The following RNF144B variants were observed in gnomAD, a reference collection of about 807,000 sequenced individuals.
The protein encoded by RNF144B is ring finger protein 144B.
In RNF144B, 25 loss-of-function variants were observed where a neutral mutation model predicts 40.2. The observed-to-expected ratio is 0.62, with a 90% CI of 0.45 to 0.87. RNF144B has a LOEUF of 0.87. RNF144B is among the 40% of genes least tolerant of loss of function. The pLI is 0.00. For synonymous variants in RNF144B, 145 were observed against 136.3 expected (o/e 1.06, Z -0.44); for missense variants, 365 against 373.7 (o/e 0.98, Z 0.19).
chr6:18,418,122 C>T lies in RNF144B; in HGVS notation c.166-9459C>T, dbSNP rs746313852. ...GAGAATTTAAAGAAGTTGAAACTCT[C>T]ATACACTGCTGGTGGGAATGGAAAA... On this transcript the variant is annotated intron_variant, in intron 2 of 7. Coordinates refer to ENST00000259939, the MANE Select transcript of RNF144B (RefSeq NM_182757.4). This position sits in a 1 kb window ranked among gnomAD's most constrained non-coding sequence, Gnocchi z 5.2. Among the ~76,000 whole-genome samples the T allele has an allele frequency of 3.3e-5, 5 of 152,162 alleles. No individual in the cohort carries two copies. Among genetic ancestry groups the T allele is most frequent in the Non-Finnish European group, 5.9e-5 (4 of 68,022 alleles).
At chr6:18,392,413 T>C (rs776701197) in intron 1 of RNF144B, among the ~76,000 whole-genome samples, 19 of 152,200 alleles carry the variant, frequency 1.2e-4, no homozygotes, top group Non-Finnish European at 2.4e-4. Flanking sequence ...TGGAAAACAG[T>C]TCTTGCTAAT....
chr6:18,392,195 G>A (rs531671283), intron 1 of RNF144B, among the ~76,000 whole-genome samples: 8 of 152,066 alleles, frequency 5.3e-5, no homozygotes, highest in African/African-American at 1.7e-4. Context: ...GCGACAGAGC[G>A]AGACTCCGTC....
At position 18,461,236 on chromosome 6, in the gene RNF144B, C is replaced by T. The variant is rs191536409; in HGVS notation, c.681+1485C>T. ...ATGGACATTTTAGACTCTAGAAGTT[C>T]AGCAGCTCAGTTTGGAAGAAATATC... On this transcript the variant is annotated intron_variant, in intron 6 of 7. Transcript: ENST00000259939. Among the ~76,000 whole-genome samples the T allele has an allele frequency of 7.0e-4, 106 of 152,272 alleles. 1 individual carries two copies. The highest frequency in any genetic ancestry group is 3.4e-3 in the Middle Eastern group (1 of 294).
In RNF144B at chr6:18,410,834, C is replaced by G. The variant is rs143164688; in HGVS notation, c.165+11135C>G. On this transcript the variant is annotated intron_variant, in intron 2 of 7. Transcript: ENST00000259939. The surrounding 1 kb of genome is among the most constrained non-coding windows in gnomAD (Gnocchi z 4.6). ...AACCATGGCAGGCTGAAGCAGAGCT[C>G]GGAGAACAATGTCCTTATCAACTTA... Among the ~76,000 whole-genome samples the G allele has an allele frequency of 5.3e-5, 8 of 152,206 alleles. No individual in the cohort carries two copies. Among genetic ancestry groups the G allele is most frequent in the Non-Finnish European group, 1.0e-4 (7 of 68,014 alleles).
At chr6:18,423,229 T>C (rs955309495) in intron 2 of RNF144B, among the ~76,000 whole-genome samples, 1 of 152,184 alleles carries the variant, frequency 6.6e-6, no homozygotes, top group Non-Finnish European at 1.5e-5. Context: ...ATTTTATAAA[T>C]GAGAGCACTG....
At chr6:18,394,930 A>G (rs1582396740) in intron 1 of RNF144B, among the ~76,000 whole-genome samples, 1 of 152,222 alleles carries the variant, frequency 6.6e-6, no homozygotes, top group Admixed American at 6.5e-5. Context: ...CCTTCCTTAC[A>G]TGGCCCAACC....
intron 1 of RNF144B, among the ~76,000 whole-genome samples, chr6:18,390,360 A>T (rs533818668): frequency 6.6e-6 from 1 of 152,292 alleles, no homozygotes; most frequent in East Asian, 1.9e-4. Flanking sequence ...CCAGTCGGTG[A>T]GTACTTTGGA....
intron 2 of RNF144B, among the ~76,000 whole-genome samples, chr6:18,404,361 T>C (rs1794852111): frequency 6.6e-6 from 1 of 152,194 alleles, no homozygotes; most frequent in South Asian, 2.1e-4. Flanking sequence ...TGGTGTATGA[T>C]TTGGGGCAAG....
In RNF144B at chr6:18,457,623, G is replaced by T. The variant is rs1167612260; in HGVS notation, c.536+264G>T. 1.3e-5 allele frequency among the ~76,000 whole-genome samples: 2 copies of T among 152,138 alleles called. No individual in the cohort carries two copies. The highest frequency in any genetic ancestry group is 4.8e-5 in the African/African-American group (2 of 41,416). Reference sequence around the variant, plus strand: ...TCTCTTTAGGTAGTGAGGCACCGTGGTCTACTGGTTCTCAGTAGGAAATCA... The same window carrying T: ...TCTCTTTAGGTAGTGAGGCACCGTGTTCTACTGGTTCTCAGTAGGAAATCA... On this transcript the variant is annotated intron_variant, in intron 5 of 7. Transcript: ENST00000259939. This position sits in a 1 kb window ranked among gnomAD's most constrained non-coding sequence, Gnocchi z 5.1.
In RNF144B at chr6:18,463,317, CA is replaced by C; in HGVS notation, c.711del (p.Pro239HisfsTer13). On this transcript the variant is annotated frameshift_variant, in exon 7 of 8. Transcript: ENST00000259939. LOFTEE classifies it high-confidence loss of function. ...ATGACATTTTCCTCAGACATTATGACAAAGGGCCATGCAGGAATAAACTTGG... is the reference window on the plus strand; with the variant it reads ...ATGACATTTTCCTCAGACATTATGACAAGGGCCATGCAGGAATAAACTTGG... The part of the protein sequence containing the change: ...DNDIFLRHYD[K>X]GPCRNKLGHS... 6.2e-7 allele frequency: 1 copy of C among 1,608,198 alleles called. No homozygotes were observed. Among genetic ancestry groups the C allele is most frequent in the Non-Finnish European group, 8.5e-7 (1 of 1,174,638 alleles).
chr6:18,433,701 A>G (rs1758747892), intron 3 of RNF144B, among the ~76,000 whole-genome samples: 1 of 152,102 alleles, frequency 6.6e-6, no homozygotes, highest in African/African-American at 2.4e-5. Context: ...CTGGAATTCC[A>G]TTTCTTGCCT....
At position 18,400,600 on chromosome 6, in the gene RNF144B, G is replaced by A. The variant is rs555245771; in HGVS notation, c.165+901G>A. ...TGCCACTTTTCCTTGAAGGTTGGTC[G>A]GTTAAGGTATAAAGGTAGGAAATAG... On this transcript the variant is annotated intron_variant, in intron 2 of 7. Transcript: ENST00000259939. The surrounding 1 kb of genome is among the most constrained non-coding windows in gnomAD (Gnocchi z 5.6). 1.4e-4 allele frequency among the ~76,000 whole-genome samples: 22 copies of A among 152,210 alleles called. No homozygotes were observed. The highest frequency in any genetic ancestry group is 5.3e-4 in the African/African-American group (22 of 41,530).
intron 2 of RNF144B, among the ~76,000 whole-genome samples, chr6:18,409,052 T>C (rs1479579079): frequency 6.6e-6 from 1 of 151,640 alleles, no homozygotes; most frequent in African/African-American, 2.4e-5. Flanking sequence ...TCCTTAAGTG[T>C]GTTATATTCC....
intron 4 of RNF144B, among the ~76,000 whole-genome samples, chr6:18,445,356 T>C (rs1016680103): frequency 6.6e-6 from 1 of 152,150 alleles, no homozygotes; most frequent in Non-Finnish European, 1.5e-5. Flanking sequence ...CTGAAGGCAA[T>C]CATTAAGGTC....
In RNF144B at chr6:18,464,664, A is replaced by G. The variant is rs1236466037; in HGVS notation, c.772-263A>G. Among the ~76,000 whole-genome samples the G allele has an allele frequency of 6.6e-6, 1 of 152,188 alleles. No homozygotes were observed. The highest frequency in any genetic ancestry group is 2.4e-5 in the African/African-American group (1 of 41,454). ...TTTTTGCTGTGTCTTCACATGGCAT[A>G]GAGCCTAGAGAAAGAAAGCAAGCTC... On this transcript the variant is annotated intron_variant, in intron 7 of 7. Coordinates refer to ENST00000259939, the MANE Select transcript of RNF144B (RefSeq NM_182757.4). The surrounding 1 kb of genome is among the most constrained non-coding windows in gnomAD (Gnocchi z 6.1).
chr6:18,396,672 T>G (rs1449903532), intron 1 of RNF144B: 10 of 985,236 alleles, frequency 1.0e-5, no homozygotes, highest in Non-Finnish European at 1.2e-5. Flanking sequence ...TAATTCAGAA[T>G]AGATTGCATA....
chr6:18,461,406 T>A (rs1759452146), intron 6 of RNF144B, among the ~76,000 whole-genome samples: 1 of 151,658 alleles, frequency 6.6e-6, no homozygotes, highest in African/African-American at 2.4e-5. Flanking sequence ...TGAAAAACAA[T>A]TTTTTTTTGT....
At chr6:18,445,841 G>C (rs1259810879) in intron 4 of RNF144B, among the ~76,000 whole-genome samples, 1 of 152,172 alleles carries the variant, frequency 6.6e-6, no homozygotes, top group African/African-American at 2.4e-5. Context: ...AGGGCAACCG[G>C]ACCTTAAACT....
chr6:18,457,809 C>T lies in RNF144B; in HGVS notation c.536+450C>T, dbSNP rs1451137920. ...AGAAAGAACACAACAATAGAAACAA[C>T]GGTCCTAAATTCTTTCAGCACGTAG... On this transcript the variant is annotated intron_variant, in intron 5 of 7. Transcript: ENST00000259939. This position sits in a 1 kb window ranked among gnomAD's most constrained non-coding sequence, Gnocchi z 5.1. Among the ~76,000 whole-genome samples, 2 of 152,268 alleles carry T rather than the reference C, an allele frequency of 1.3e-5. No homozygotes were observed. Among genetic ancestry groups the T allele is most frequent in the South Asian group, 2.1e-4 (1 of 4,826 alleles).
Sources: allele counts gnomAD v4.1 joint callset (sites outside exome capture counted in the v4.1 genomes callset), GRCh38; gene constraint gnomAD v4.1.1; non-coding constraint Gnocchi (gnomAD v3.1); transcripts MANE v1.5; gene names NCBI Gene and HGNC (gene_info 2026-07-23, HGNC 2026-07-21).